N4BP2: variants seen among roughly 807,000 people sequenced by gnomAD.
The protein encoded by N4BP2 is NEDD4-binding protein 2.
A neutral mutation model predicts 152.8 loss-of-function variants in N4BP2; 91 were observed. The observed-to-expected ratio is 0.60, with a 90% CI of 0.50 to 0.71. The LOEUF (loss-of-function observed/expected upper bound fraction) is 0.71, where lower values mean the gene tolerates loss of function less well. Among genes scored for constraint, N4BP2 ranks in the 30% least tolerant of loss-of-function variants. N4BP2 has a pLI of 0.00. For missense variants in N4BP2, 1,923 were observed against 2,059.1 expected, an observed-to-expected ratio of 0.93 and a Z score of 1.28; for synonymous variants, 646 against 705.3, an observed-to-expected ratio of 0.92 and a Z score of 1.33.
At chr4:40,181,707 G>A in the N4BP2 span, among the ~76,000 whole-genome samples, 4 of 152,346 alleles carry the variant, frequency 2.6e-5, no homozygotes, top group East Asian at 7.7e-4. Context: ...CAGCACTTTG[G>A]GAGGCTAAGG....
In N4BP2 at chr4:40,075,136, G is replaced by A. The variant is rs896714971; in HGVS notation, c.-115+1585G>A. On this transcript the variant is annotated intron_variant, in intron 2 of 17. Coordinates refer to ENST00000261435, the MANE Select transcript of N4BP2 (RefSeq NM_018177.6). ...GTACTATGCATAGTACCATTTTGGC[G>A]TATATATCATGATCCATGTTCTCAA... 9.2e-5 allele frequency among the ~76,000 whole-genome samples: 14 copies of A among 152,146 alleles called. No individual in the cohort carries two copies. In the East Asian group the frequency reaches 1.2e-3, roughly 13 times the overall value.
intron 11 of N4BP2, 143 bp downstream of exon 11, chr4:40,124,348 A>T (rs531461052): frequency 6.7e-5 from 29 of 432,646 alleles, no homozygotes; most frequent in South Asian, 2.0e-4. Context: ...TTATTTATTT[A>T]TTTATTTTTT....
Position 40,073,166 on chromosome 4 carries a change from T to C in N4BP2, c.-211-289T>C, listed in dbSNP as rs145354197. Reference sequence around the variant, plus strand: ...ACATTTAGTAGCTAGCCACCTTCTATAAAGATAAGGTTTCTCTCATCAACT... The same window carrying C: ...ACATTTAGTAGCTAGCCACCTTCTACAAAGATAAGGTTTCTCTCATCAACT... On this transcript the variant is annotated intron_variant, in intron 1 of 17. Transcript: ENST00000261435. 6.9e-3 allele frequency among the ~76,000 whole-genome samples: 1,044 copies of C among 152,324 alleles called. 5 individuals carry two copies. The highest frequency in any genetic ancestry group is 9.4e-3 in the Non-Finnish European group (637 of 68,038).
intron 2 of N4BP2, among the ~76,000 whole-genome samples, chr4:40,090,532 A>G (rs1206917142): frequency 6.6e-6 from 1 of 152,216 alleles, no homozygotes; most frequent in African/African-American, 2.4e-5. Context: ...CTGTGATTTT[A>G]AGTGAAACGA....
intron 2 of N4BP2, among the ~76,000 whole-genome samples, chr4:40,076,448 C>T (rs1712739818): frequency 6.6e-6 from 1 of 151,988 alleles, no homozygotes. Flanking sequence ...TGCACTCTAG[C>T]TTAGGTGACA....
At chr4:40,088,358 G>A (rs112784633) in intron 2 of N4BP2, among the ~76,000 whole-genome samples, 259 of 152,224 alleles carry the variant, frequency 1.7e-3, no homozygotes, top group African/African-American at 5.9e-3. Flanking sequence ...AGAAACTGCA[G>A]AATATTTTTC....
intron 7 of N4BP2, among the ~76,000 whole-genome samples, chr4:40,113,872 G>GT (rs1319966036): frequency 6.6e-6 from 1 of 152,122 alleles, no homozygotes; most frequent in Non-Finnish European, 1.5e-5. Flanking sequence ...GACCACAGGT[G>GT]TGAGCCACCA....
In N4BP2 at chr4:40,102,519, A is replaced by G. The variant is rs1470270197; in HGVS notation, c.674A>G (p.Lys225Arg). 6.2e-7 allele frequency: 1 copy of G among 1,614,222 alleles called. No homozygotes were observed. Among genetic ancestry groups the G allele is most frequent in the South Asian group, 1.1e-5 (1 of 91,086 alleles). The change falls in exon 4 of 18, where the codon AAG (lysine) becomes AGG (arginine). Residue 225 changes from lysine (K) to arginine (R), a missense_variant. Transcript: ENST00000261435. The part of the protein sequence containing the change: ...LPSHSVLNES[K>R]CFIKDNTLAL... ...TCACATTCAGTTTTGAACGAGTCCA[A>G]GTGTTTTATAAAGGATAACACATTG...
chr4:40,160,183 C>T (rs553999843), downstream of N4BP2, among the ~76,000 whole-genome samples: 1 of 152,286 alleles, frequency 6.6e-6, no homozygotes, highest in South Asian at 2.1e-4. Flanking sequence ...TAGGAAAAAA[C>T]TAAATGACAC....
chr4:40,131,568 TTGTG>T (rs60430101), intron 12 of N4BP2, among the ~76,000 whole-genome samples: 2 of 151,594 alleles, frequency 1.3e-5, no homozygotes, highest in South Asian at 4.2e-4. Context: ...ATACATGTGA[TTGTG>T]TGTGTGTGTG....
At chr4:40,146,250 A>G (rs536537164) in intron 16 of N4BP2, among the ~76,000 whole-genome samples, 28 of 152,266 alleles carry the variant, frequency 1.8e-4, no homozygotes, top group Middle Eastern at 3.4e-3. Flanking sequence ...ATCCCTACAT[A>G]ATATCTCTTG....
At chr4:40,148,527 T>A (rs921284171) in intron 16 of N4BP2, among the ~76,000 whole-genome samples, 6 of 152,152 alleles carry the variant, frequency 3.9e-5, no homozygotes, top group African/African-American at 1.4e-4. Context: ...GTTCCACATG[T>A]AAGTGAGATC....
At chr4:40,097,830 C>G (rs188694813) in intron 3 of N4BP2, among the ~76,000 whole-genome samples, 1 of 152,186 alleles carries the variant, frequency 6.6e-6, no homozygotes, top group Non-Finnish European at 1.5e-5. Flanking sequence ...TCTCTTTCAT[C>G]TTCACTCTAG....
At chr4:40,170,401 T>C in the N4BP2 span, among the ~76,000 whole-genome samples, 5 of 151,806 alleles carry the variant, frequency 3.3e-5, no homozygotes, top group African/African-American at 1.2e-4. Context: ...GGCAGATCAC[T>C]TGAGTTTAGG....
intron 1 of N4BP2, among the ~76,000 whole-genome samples, chr4:40,063,506 A>C (rs1300014802): frequency 6.6e-6 from 1 of 152,190 alleles, no homozygotes. Flanking sequence ...ATGCTCACTT[A>C]CATGGCCAGG....
At chr4:40,080,556 CGATCTCCT>C (rs1713255381) in intron 2 of N4BP2, among the ~76,000 whole-genome samples, 1 of 151,828 alleles carries the variant, frequency 6.6e-6, no homozygotes, top group Admixed American at 6.6e-5. Context: ...AGGCTGGTCT[CGATCTCCT>C]GATCTAGTGA....
chr4:40,102,051 G>A (rs2109961233), intron 3 of N4BP2, 24 bp from the exon 4 acceptor site: 2 of 1,414,786 alleles, frequency 1.4e-6, no homozygotes, highest in Non-Finnish European at 1.9e-6. Context: ...TTTTGTTGTT[G>A]TTATTATTCT....
At chr4:40,180,331 ATAAT>A in the N4BP2 span, among the ~76,000 whole-genome samples, 1 of 152,234 alleles carries the variant, frequency 6.6e-6, no homozygotes, top group Non-Finnish European at 1.5e-5. Flanking sequence ...AATCTCAATA[ATAAT>A]TAATCAGCAA....
Position 40,156,287 on chromosome 4 carries a change from G to A in N4BP2, c.*2050G>A, listed in dbSNP as rs1045399980. The stretch of plus-strand genomic sequence containing the variant: ...AGACTTATTTCAATATTATAATTAT[G>A]ATTAATGAAGGAGCAGTCAGAAGTA... On this transcript the variant is annotated 3_prime_UTR_variant, in exon 18 of 18. Coordinates refer to ENST00000261435, the MANE Select transcript of N4BP2 (RefSeq NM_018177.6). The A allele has an allele frequency of 6.6e-6, 1 of 152,090 alleles. No individual in the cohort carries two copies. Among genetic ancestry groups the A allele is most frequent in the Non-Finnish European group, 1.5e-5 (1 of 67,990 alleles). 9.4% of individuals were successfully genotyped at this position (152,090 alleles called of 1,614,324 possible).
Sources: gnomAD v4.1 joint callset for allele counts (sites outside exome capture counted in the v4.1 genomes callset) on GRCh38, gnomAD v4.1.1 for gene constraint, MANE v1.5 for transcripts, NCBI Gene and HGNC (gene_info 2026-07-23, HGNC 2026-07-21) for gene names.